Variants in SORCS3 observed in about 807,000 individuals in gnomAD.
SORCS3 encodes the protein sortilin related VPS10 domain containing receptor 3.
A neutral mutation model predicts 146.3 loss-of-function variants in SORCS3; 57 were observed. The ratio of observed to expected loss-of-function variants is 0.39; its 90% CI spans 0.31 to 0.49. The LOEUF (loss-of-function observed/expected upper bound fraction) is 0.49, where lower values mean the gene tolerates loss of function less well. SORCS3 is among the 20% of genes least tolerant of loss of function. The pLI, the probability that SORCS3 is intolerant of heterozygous loss-of-function variation, is 0.92. For synonymous variants in SORCS3, 653 were observed against 618.5 expected, an observed-to-expected ratio of 1.06 and a Z score of -0.83; for missense variants, 1,341 against 1,575.5, an observed-to-expected ratio of 0.85 and a Z score of 2.52.
intron 4 of SORCS3, among the ~76,000 whole-genome samples, chr10:105,033,290 A>C (rs924840460): frequency 6.6e-6 from 1 of 152,226 alleles, no homozygotes; most frequent in Non-Finnish European, 1.5e-5. Flanking sequence ...AGAAGGTAAC[A>C]TAAAAGATAG....
chr10:105,201,035 C>G (rs1254562372), intron 15 of SORCS3, 85 bp from the exon 16 acceptor site: 22 of 1,445,344 alleles, frequency 1.5e-5, no homozygotes, highest in Middle Eastern at 1.8e-4. Context: ...TGAGAATGAA[C>G]AGGCTAATGC....
chr10:104,671,833 T>C (rs2015858121), intron 1 of SORCS3, among the ~76,000 whole-genome samples: 1 of 152,164 alleles, frequency 6.6e-6, no homozygotes. Flanking sequence ...CCACTTGTCA[T>C]GGCGTATAAT....
intron 20 of SORCS3, among the ~76,000 whole-genome samples, chr10:105,230,561 A>G (rs577401868): frequency 3.1e-4 from 47 of 152,270 alleles, no homozygotes; most frequent in Non-Finnish European, 5.4e-4. Flanking sequence ...CCCAAACTTC[A>G]CTAACCTCCC....
chr10:105,176,029 G>C (rs965364973), intron 13 of SORCS3, among the ~76,000 whole-genome samples: 3 of 152,144 alleles, frequency 2.0e-5, no homozygotes, highest in African/African-American at 7.2e-5. Context: ...AACCATGTAG[G>C]CTGGCTGCTA....
chr10:104,731,496 C>A (rs1470085636), intron 1 of SORCS3, among the ~76,000 whole-genome samples: 1 of 152,174 alleles, frequency 6.6e-6, no homozygotes, highest in Admixed American at 6.5e-5. Flanking sequence ...GCTACCTAAT[C>A]CCTGACTTTC....
chr10:105,262,449 C>T lies in SORCS3; in HGVS notation c.3562C>T (p.Pro1188Ser), dbSNP rs751464825. The T allele has an allele frequency of 6.2e-7, 1 of 1,613,786 alleles. No homozygotes were observed. The highest frequency in any genetic ancestry group is 1.3e-5 in the African/African-American group (1 of 74,906). ...AATCACACTCAGTGACTTTACGGAG[C>T]CTGAGGAGCTGCTGGACAAAGAGCT... Reference protein sequence around the residue: ...PKITLSDFTEPEELLDKELDT... With the variant: ...PKITLSDFTESEELLDKELDT... Residue 1188 changes from proline to serine, a missense_variant, in exon 26 of 27, where the codon CCT (proline) becomes TCT (serine). Coordinates refer to ENST00000369701, the MANE Select transcript of SORCS3 (RefSeq NM_014978.3).
At chr10:104,918,335 C>T (rs1221709653) in intron 3 of SORCS3, among the ~76,000 whole-genome samples, 3 of 152,100 alleles carry the variant, frequency 2.0e-5, no homozygotes, top group African/African-American at 7.2e-5. Flanking sequence ...CTCACATAGC[C>T]AGATAGAAAA....
chr10:104,961,136 A>G (rs1192898204), intron 3 of SORCS3, among the ~76,000 whole-genome samples: 1 of 152,134 alleles, frequency 6.6e-6, no homozygotes, highest in Non-Finnish European at 1.5e-5. Flanking sequence ...TAGGCTTTGG[A>G]ACAGTGATTC....
intron 1 of SORCS3, among the ~76,000 whole-genome samples, chr10:104,735,456 G>GTTTTT (rs56203751): frequency 0.014 from 505 of 34,956 alleles, 61 homozygotes; most frequent in African/African-American, 0.044. Flanking sequence ...CTCACCGTCT[G>GTTTTT]TTTTTTTTTT....
chr10:104,790,193 G>A (rs996078469), intron 1 of SORCS3, among the ~76,000 whole-genome samples: 2 of 152,216 alleles, frequency 1.3e-5, no homozygotes, highest in Admixed American at 6.5e-5. Flanking sequence ...AAACAGTGCT[G>A]AAAAGATAAT....
intron 7 of SORCS3, 151 bp downstream of exon 7, chr10:105,105,666 G>T: frequency 1.5e-6 from 1 of 667,746 alleles, no homozygotes; most frequent in Non-Finnish European, 2.7e-6. Context: ...CCTCTGGGGA[G>T]AGCCCAGACT....
chr10:104,736,774 C>CTT (rs141199251), intron 1 of SORCS3, among the ~76,000 whole-genome samples: 17 of 145,904 alleles, frequency 1.2e-4, no homozygotes, highest in Admixed American at 1.4e-4. Context: ...GGCATGTTTT[C>CTT]TTTTTTTTTT....
intron 1 of SORCS3, among the ~76,000 whole-genome samples, chr10:104,773,652 G>T (rs942162392): frequency 3.3e-5 from 5 of 152,154 alleles, no homozygotes; most frequent in African/African-American, 4.8e-5. Context: ...TGTGTTGTTG[G>T]GAAAGTTAGT....
intron 2 of SORCS3, among the ~76,000 whole-genome samples, chr10:104,852,131 T>A (rs1281936425): frequency 1.3e-5 from 2 of 152,236 alleles, no homozygotes; most frequent in Non-Finnish European, 2.9e-5. Flanking sequence ...ACTTGTATAC[T>A]ATTTTTAGTC....
intron 2 of SORCS3, among the ~76,000 whole-genome samples, chr10:104,910,651 C>A (rs565964101): frequency 6.6e-6 from 1 of 152,232 alleles, no homozygotes; most frequent in African/African-American, 2.4e-5. Flanking sequence ...TTTATGCACA[C>A]AAACACTTGT....
At chr10:104,783,458 G>A (rs1190818888) in intron 1 of SORCS3, among the ~76,000 whole-genome samples, 1 of 152,188 alleles carries the variant, frequency 6.6e-6, no homozygotes, top group Non-Finnish European at 1.5e-5. Flanking sequence ...TTGGGGCCGG[G>A]CGTGGTGGCT....
chr10:104,975,056 G>A (rs1490085914), intron 3 of SORCS3, among the ~76,000 whole-genome samples: 1 of 152,060 alleles, frequency 6.6e-6, no homozygotes, highest in Admixed American at 6.6e-5. Context: ...AGTTTCTGCC[G>A]AGAGATCCCC....
intron 13 of SORCS3, 33 bp from the exon 14 acceptor site, chr10:105,178,033 G>A: frequency 2.0e-6 from 3 of 1,512,096 alleles, no homozygotes; most frequent in Non-Finnish European, 2.8e-6. Context: ...TTTATTTTCA[G>A]CTGTCTTTTT....
intron 1 of SORCS3, among the ~76,000 whole-genome samples, chr10:104,761,387 A>C (rs916122784): frequency 2.6e-5 from 4 of 152,128 alleles, no homozygotes; most frequent in African/African-American, 9.7e-5. Flanking sequence ...GAGAAGATAC[A>C]TACCATATCT....
Sources: allele counts gnomAD v4.1 joint callset (sites outside exome capture counted in the v4.1 genomes callset), GRCh38; gene constraint gnomAD v4.1.1; transcripts MANE v1.5; gene names NCBI Gene and HGNC (gene_info 2026-07-23, HGNC 2026-07-21).